SASH1: variants seen among roughly 807,000 people sequenced by gnomAD.
SASH1 encodes the protein SAM and SH3 domain-containing protein 1.
A neutral mutation model predicts 125.2 loss-of-function variants in SASH1; 44 were observed. The ratio of observed to expected loss-of-function variants is 0.35; its 90% CI spans 0.28 to 0.45. The LOEUF (loss-of-function observed/expected upper bound fraction) is 0.45. Among genes scored for constraint, SASH1 ranks in the 20% least tolerant of loss-of-function variants. SASH1 has a pLI of 1.00. For synonymous variants in SASH1, 639 were observed against 649.1 expected, an observed-to-expected ratio of 0.98 and a Z score of 0.24; for missense variants, 1,426 against 1,614.5, an observed-to-expected ratio of 0.88 and a Z score of 2.00.
At chr6:148,281,325 G>A (rs1219132462) in intron 1 of SASH1, among the ~76,000 whole-genome samples, 6 of 151,954 alleles carry the variant, frequency 3.9e-5, no homozygotes, top group Non-Finnish European at 8.8e-5. Context: ...GAGGGCAAAC[G>A]ATTTCCGACC....
At chr6:148,524,352 T>A (rs756215592) in intron 10 of SASH1, 1 of 151,914 alleles carries the variant, frequency 6.6e-6, no homozygotes, top group Admixed American at 6.6e-5. Context: ...TATTACTGAT[T>A]TTTAAAAAAG....
At chr6:148,302,067 G>A (rs971834469) in intron 1 of SASH1, among the ~76,000 whole-genome samples, 2 of 151,218 alleles carry the variant, frequency 1.3e-5, no homozygotes, top group African/African-American at 4.8e-5. Context: ...TGTAATCCCA[G>A]CACTTTGGGA....
At chr6:148,396,478 G>GAAAAAAAAAAAAAAA (rs61277112) in intron 2 of SASH1, among the ~76,000 whole-genome samples, 3 of 63,798 alleles carry the variant, frequency 4.7e-5, no homozygotes, top group Non-Finnish European at 5.5e-5. Context: ...CTGCATCTCA[G>GAAAAAAAAAAAAAAA]AAAAAAAAAA....
chr6:148,339,532 A>T (rs1781263308), upstream of SASH1, among the ~76,000 whole-genome samples: 2 of 150,932 alleles, frequency 1.3e-5, 1 homozygote, highest in South Asian at 4.2e-4. Context: ...ATATAATTAT[A>T]AATATAGATA....
At chr6:148,264,570 A>C in the SASH1 span, among the ~76,000 whole-genome samples, 1 of 152,266 alleles carries the variant, frequency 6.6e-6, no homozygotes. Context: ...GGGCTATACA[A>C]CCCGGCCTCT....
At chr6:148,484,312 G>C (rs1778749176) in intron 7 of SASH1, among the ~76,000 whole-genome samples, 1 of 151,102 alleles carries the variant, frequency 6.6e-6, no homozygotes, top group African/African-American at 2.5e-5. Context: ...GGGAACACAG[G>C]ATGTGAGGGA....
At chr6:148,384,983 G>T (rs1783302046) in intron 1 of SASH1, among the ~76,000 whole-genome samples, 1 of 152,166 alleles carries the variant, frequency 6.6e-6, no homozygotes, top group Non-Finnish European at 1.5e-5. Flanking sequence ...TGATTGGAAT[G>T]TAAAAGATTC....
intron 9 of SASH1, among the ~76,000 whole-genome samples, chr6:148,516,108 A>G (rs1780420824): frequency 2.0e-5 from 3 of 152,262 alleles, no homozygotes; most frequent in Admixed American, 2.0e-4. Context: ...AGCAAAAGGG[A>G]TAACTCTAAC....
At chr6:148,212,521 A>C in the SASH1 span, among the ~76,000 whole-genome samples, 1 of 152,224 alleles carries the variant, frequency 6.6e-6, no homozygotes, top group Non-Finnish European at 1.5e-5. Flanking sequence ...GAATTGACGT[A>C]AGGCTGTCTG....
At position 148,527,427 on chromosome 6, in the gene SASH1, A is replaced by C. The variant is rs1283216364; in HGVS notation, c.1285-26A>C. 3.2e-6 allele frequency: 5 copies of C among 1,548,062 alleles called. No individual in the cohort carries two copies. The African/African-American group carries it at 7.0e-5, about 22-fold the overall frequency. On this transcript the variant is annotated intron_variant, in intron 11 of 19. Transcript: ENST00000367467. ...CTGTTCTTCATTTTCTGCGACCAAC[A>C]ATACTTGCAACATTTTGTTTTACAG...
At chr6:148,507,274 G>T (rs1779851031) in intron 8 of SASH1, among the ~76,000 whole-genome samples, 1 of 152,204 alleles carries the variant, frequency 6.6e-6, no homozygotes, top group African/African-American at 2.4e-5. Flanking sequence ...AGGGGATGGA[G>T]CTCTGGTGAT....
rs529311327 is a variant in SASH1 at position 148,360,010 on chromosome 6, C to T, written c.156+16787C>T. ...CCTGACCTTGTGATCCACCCGCCTC[C>T]GCTCCCAAAGTGCTGGGATTACAGG... On this transcript the variant is annotated intron_variant, in intron 1 of 19. Transcript: ENST00000367467. Among the ~76,000 whole-genome samples the T allele has an allele frequency of 2.4e-3, 372 of 152,214 alleles. 4 individuals carry two copies. The highest frequency in any genetic ancestry group is 1.9e-3 in the Admixed American group (29 of 15,284).
intron 2 of SASH1, among the ~76,000 whole-genome samples, chr6:148,395,997 C>G (rs966439556): frequency 6.6e-6 from 1 of 152,074 alleles, no homozygotes; most frequent in Non-Finnish European, 1.5e-5. Flanking sequence ...GTCCCTACCC[C>G]CAGCAGCACT....
upstream of SASH1, among the ~76,000 whole-genome samples, chr6:148,340,046 T>C (rs532049121): frequency 3.9e-5 from 6 of 152,286 alleles, no homozygotes; most frequent in South Asian, 2.1e-4. Context: ...TCTGGATTGG[T>C]GCTGGAGAGT....
chr6:148,470,753 C>T (rs138855337), intron 5 of SASH1, among the ~76,000 whole-genome samples: 24 of 152,246 alleles, frequency 1.6e-4, no homozygotes, highest in African/African-American at 5.8e-4. Context: ...TGCAGTCTTG[C>T]TTGTCTTTGT....
intron 2 of SASH1, among the ~76,000 whole-genome samples, chr6:148,405,869 A>G (rs1351559234): frequency 6.6e-6 from 1 of 152,188 alleles, no homozygotes; most frequent in Non-Finnish European, 1.5e-5. Flanking sequence ...TACTGGTTTG[A>G]CCTGGGAATG....
At chr6:148,388,353 A>G (rs1461754089) in intron 1 of SASH1, among the ~76,000 whole-genome samples, 1 of 152,106 alleles carries the variant, frequency 6.6e-6, no homozygotes, top group African/African-American at 2.4e-5. Flanking sequence ...TGGACACTTG[A>G]CAATAGACGA....
rs1259318066 is a variant in SASH1 at position 148,421,189 on chromosome 6, GAAAGAAAGAAAGAAAGAAAGAAAGAA to G, written c.286-18980_286-18955del. Among the ~76,000 whole-genome samples, 205 of 144,502 alleles carry G rather than the reference GAAAGAAAGAAAGAAAGAAAGAAAGAA, an allele frequency of 1.4e-3. 6 individuals are homozygous for G. Among genetic ancestry groups the G allele is most frequent in the East Asian group, 5.0e-3 (23 of 4,634 alleles). The allele number at this position is 144,502 out of a possible 152,430, so 94.8% of individuals were successfully genotyped here. On this transcript the variant is annotated intron_variant, in intron 2 of 19. Coordinates refer to ENST00000367467, the MANE Select transcript of SASH1 (RefSeq NM_015278.5). ...AGAAAGAAAGAAAGAAAGAAAGAAA[GAAAGAAAGAAAGAAAGAAAGAAAGAA>G]AAAGAAAGAAAGAAGGAAGTGACTA...
chr6:148,541,550 G>A (rs941150575), intron 17 of SASH1, among the ~76,000 whole-genome samples: 1 of 151,986 alleles, frequency 6.6e-6, no homozygotes, highest in African/African-American at 2.4e-5. Flanking sequence ...GTGTCTCTGT[G>A]TACTACATGT....
Sources: allele counts gnomAD v4.1 joint callset (sites outside exome capture counted in the v4.1 genomes callset), GRCh38; gene constraint gnomAD v4.1.1; transcripts MANE v1.5; gene names NCBI Gene and HGNC (gene_info 2026-07-23, HGNC 2026-07-21).